Variants in IP6K1 observed in about 807,000 individuals in gnomAD.
IP6K1 encodes ATP:1D-myo-inositol-hexakisphosphate phosphotransferase.
A neutral mutation model predicts 38.3 loss-of-function variants in IP6K1; 13 were observed. That is an observed-to-expected ratio of 0.34 (90% CI 0.22 to 0.54). The LOEUF is 0.54. Ranked by LOEUF, IP6K1 falls within the 20% of genes least tolerant of loss-of-function variation. The probability of loss-of-function intolerance (pLI) is 0.92; values close to 1 mark genes in which losing one functional copy is unlikely to be tolerated. For synonymous variants in IP6K1, 212 were observed against 229.9 expected, an observed-to-expected ratio of 0.92 and a Z score of 0.70; for missense variants, 397 against 599.8, an observed-to-expected ratio of 0.66 and a Z score of 3.53.
At chr3:49,752,975 G>T (rs2080791879) in intron 1 of IP6K1, among the ~76,000 whole-genome samples, 1 of 151,738 alleles carries the variant, frequency 6.6e-6, no homozygotes, top group South Asian at 2.1e-4. Context: ...GGCCAGGCTG[G>T]TCTGAAACTT....
intron 2 of IP6K1, among the ~76,000 whole-genome samples, chr3:49,743,411 G>A (rs9876508): frequency 0.53 from 80,740 of 151,446 alleles, 22,326 homozygotes; most frequent in East Asian, 0.82. Flanking sequence ...ACATAGTGAG[G>A]TCCGATCTCT....
intron 1 of IP6K1, among the ~76,000 whole-genome samples, chr3:49,753,520 T>C (rs997754509): frequency 6.6e-6 from 1 of 152,186 alleles, no homozygotes; most frequent in African/African-American, 2.4e-5. Flanking sequence ...TTATTATTTA[T>C]GATGATGATG....
chr3:49,740,290 G>A (rs2080655464), intron 2 of IP6K1, among the ~76,000 whole-genome samples: 1 of 141,312 alleles, frequency 7.1e-6, no homozygotes, highest in African/African-American at 2.6e-5. Flanking sequence ...GTCTGGTCTG[G>A]AACTCCGGGC....
At chr3:49,761,826 T>C (rs754811853) in intron 1 of IP6K1, among the ~76,000 whole-genome samples, 3 of 151,790 alleles carry the variant, frequency 2.0e-5, no homozygotes, top group Non-Finnish European at 4.4e-5. Context: ...TGGTGGTACA[T>C]GCAGTCCCAG....
chr3:49,767,098 C>T (rs2080918952), intron 1 of IP6K1, among the ~76,000 whole-genome samples: 1 of 150,476 alleles, frequency 6.6e-6, no homozygotes, highest in African/African-American at 2.4e-5. Flanking sequence ...CCCATCTCCA[C>T]AAAATTTTTT....
intron 1 of IP6K1, among the ~76,000 whole-genome samples, chr3:49,753,293 A>G (rs1159425304): frequency 6.6e-6 from 1 of 152,136 alleles, no homozygotes; most frequent in African/African-American, 2.4e-5. Flanking sequence ...TTCTTCCCCC[A>G]GATAACCACA....
chr3:49,734,866 A>C (rs1575305363), intron 3 of IP6K1, among the ~76,000 whole-genome samples: 1 of 151,980 alleles, frequency 6.6e-6, no homozygotes, highest in Non-Finnish European at 1.5e-5. Context: ...AACAAGCCCC[A>C]CCCCTGGAAT....
chr3:49,778,464 C>T (rs987810822), intron 1 of IP6K1, among the ~76,000 whole-genome samples: 2 of 151,904 alleles, frequency 1.3e-5, no homozygotes, highest in African/African-American at 4.8e-5. Context: ...GAAACTTCGT[C>T]TCTACTAAAA....
intron 1 of IP6K1, among the ~76,000 whole-genome samples, chr3:49,757,860 C>G (rs952739317): frequency 6.6e-6 from 1 of 152,102 alleles, no homozygotes; most frequent in Non-Finnish European, 1.5e-5. Context: ...AATCTACTAC[C>G]TTATATTAGC....
chr3:49,728,003 G>T, intron 5 of IP6K1, 100 bp downstream of exon 5: 1 of 1,221,912 alleles, frequency 8.2e-7, no homozygotes, highest in Non-Finnish European at 1.2e-6. Flanking sequence ...AAGGACAGAG[G>T]GGCTCAGGAG....
chr3:49,782,211 C>T (rs1264861664), intron 1 of IP6K1, among the ~76,000 whole-genome samples: 2 of 151,862 alleles, frequency 1.3e-5, no homozygotes, highest in African/African-American at 2.4e-5. Context: ...AGCTCTGTCG[C>T]CCAGGCTGGA....
In IP6K1 at chr3:49,727,676, CA is replaced by C. The variant is rs1559700568; in HGVS notation, c.793-22del. ...TACACCTGAAACCCCAGGAGGCAGA[CA>C]GGGTGAGTGCCAGGGAAGTCTGAAG... On this transcript the variant is annotated intron_variant, in intron 5 of 5. Transcript: ENST00000321599. This position sits in a 1 kb window ranked among gnomAD's most constrained non-coding sequence, Gnocchi z 5.9. 2 of 1,606,082 alleles carry C rather than the reference CA, an allele frequency of 1.2e-6. No individual in the cohort carries two copies. The highest frequency in any genetic ancestry group is 1.7e-6 in the Non-Finnish European group (2 of 1,174,826).
chr3:49,760,416 G>C (rs548640756), intron 1 of IP6K1, among the ~76,000 whole-genome samples: 1 of 152,138 alleles, frequency 6.6e-6, no homozygotes, highest in South Asian at 2.1e-4. Flanking sequence ...TTGAGGTCAG[G>C]AGTTCAAGAA....
intron 2 of IP6K1, among the ~76,000 whole-genome samples, chr3:49,743,241 T>TACACAC (rs202144754): frequency 0.051 from 7,036 of 137,188 alleles, 320 homozygotes; most frequent in African/African-American, 0.12. Context: ...AAAAACAAAA[T>TACACAC]ACACACACAC....
chr3:49,752,754 GC>G (rs555404167), intron 1 of IP6K1, among the ~76,000 whole-genome samples: 176 of 146,612 alleles, frequency 1.2e-3, no homozygotes, highest in Admixed American at 3.6e-3. Flanking sequence ...ACTGCGCCTA[GC>G]CTTTTTTTTT....
At chr3:49,781,777 T>C (rs1575332122) in intron 1 of IP6K1, among the ~76,000 whole-genome samples, 1 of 152,058 alleles carries the variant, frequency 6.6e-6, no homozygotes, top group South Asian at 2.1e-4. Flanking sequence ...CCGTAGTCTG[T>C]ACAGTGTGAA....
intron 1 of IP6K1, among the ~76,000 whole-genome samples, chr3:49,763,932 G>A (rs1159176458): frequency 2.0e-5 from 3 of 152,192 alleles, no homozygotes; most frequent in African/African-American, 7.2e-5. Context: ...TGAGGCAGGA[G>A]AATTGCTGGA....
At chr3:49,736,467 T>A (rs765100637) in intron 3 of IP6K1, among the ~76,000 whole-genome samples, 4 of 152,156 alleles carry the variant, frequency 2.6e-5, no homozygotes, top group Non-Finnish European at 4.4e-5. Context: ...AATGGCATTG[T>A]ACATATGTGG....
At chr3:49,756,835 AAAAAAAG>A (rs2080827928) in intron 1 of IP6K1, among the ~76,000 whole-genome samples, 2 of 89,440 alleles carry the variant, frequency 2.2e-5, no homozygotes, top group South Asian at 4.3e-4. Flanking sequence ...AAAAAAAAAA[AAAAAAAG>A]AAAAAAGAAA....
Sources: allele counts gnomAD v4.1 joint callset (sites outside exome capture counted in the v4.1 genomes callset), GRCh38; gene constraint gnomAD v4.1.1; non-coding constraint Gnocchi (gnomAD v3.1); transcripts MANE v1.5; gene names NCBI Gene and HGNC (gene_info 2026-07-23, HGNC 2026-07-21).